The following CALB2 variants were observed in gnomAD, a reference collection of about 807,000 sequenced individuals.
The protein encoded by CALB2 is calretinin.
In CALB2, 34 loss-of-function variants were observed where a neutral mutation model predicts 45.9. The ratio of observed to expected loss-of-function variants is 0.74; its 90% CI spans 0.56 to 0.99. CALB2 has a LOEUF of 0.99. Ranked by LOEUF, CALB2 falls within the 50% of genes least tolerant of loss-of-function variation. The pLI, the probability that CALB2 is intolerant of heterozygous loss-of-function variation, is 0.00. For missense variants in CALB2, 344 were observed against 339.3 expected (o/e 1.01, Z -0.11); for synonymous variants, 142 against 129.6 (o/e 1.10, Z -0.65).
chr16:71,389,763 A>C lies in CALB2; in HGVS notation c.714A>C (p.Gln238His). ...GTATTTCCTAGGAAATGAATATTCA[A>C]CAGCTCACCAACTACAGAAAGAGCG... ...YEKNKKEMNIQQLTNYRKSVM... is the reference protein window; with the variant it reads ...YEKNKKEMNIHQLTNYRKSVM... The change falls in exon 11 of 11, where the codon CAA becomes CAC. Residue 238 changes from glutamine to histidine, a missense_variant. By Grantham distance (24) the Gln-to-His change is conservative. This residue lies in a region of CALB2 where 263 missense variants were observed against 241.7 expected (regional missense o/e 1.09). Transcript: ENST00000302628. The C allele has an allele frequency of 6.2e-7, 1 of 1,613,686 alleles. No homozygotes were observed. Among genetic ancestry groups the C allele is most frequent in the Non-Finnish European group, 8.5e-7 (1 of 1,179,694 alleles).
intron 4 of CALB2, among the ~76,000 whole-genome samples, chr16:71,381,517 C>CT (rs2144991802): frequency 6.6e-6 from 1 of 151,912 alleles, no homozygotes; most frequent in African/African-American, 2.4e-5. Context: ...TAAAATATAA[C>CT]TAAACTCTAA....
intron 3 of CALB2, among the ~76,000 whole-genome samples, chr16:71,376,988 G>T (rs996473288): frequency 6.6e-6 from 1 of 152,158 alleles, no homozygotes; most frequent in African/African-American, 2.4e-5. Context: ...CTACCTGTAA[G>T]CCAATCACTG....
intron 1 of CALB2, among the ~76,000 whole-genome samples, chr16:71,371,303 A>G (rs1199146238): frequency 6.6e-6 from 1 of 152,040 alleles, no homozygotes; most frequent in East Asian, 1.9e-4. Context: ...AGGGGGTGGG[A>G]GGTGACATCC....
chr16:71,383,466 T>C (rs2042524601), intron 6 of CALB2, 22 bp downstream of exon 6: 1 of 1,610,110 alleles, frequency 6.2e-7, no homozygotes, highest in Non-Finnish European at 8.5e-7. Context: ...GAAGTGTCCC[T>C]CTCCCCCAGG....
At chr16:71,381,239 T>C (rs146283003) in intron 4 of CALB2, among the ~76,000 whole-genome samples, 3 of 152,306 alleles carry the variant, frequency 2.0e-5, no homozygotes, top group African/African-American at 7.2e-5. Context: ...TCCTCACATA[T>C]ATTTTAGTGC....
intron 1 of CALB2, among the ~76,000 whole-genome samples, chr16:71,363,124 G>A (rs1262901169): frequency 6.6e-6 from 1 of 152,102 alleles, no homozygotes. Flanking sequence ...GTCCAAGCCT[G>A]CAGTGAGCTA....
In CALB2 at chr16:71,382,189, GA is replaced by G. The variant is rs921302120; in HGVS notation, c.343-521del. 1.5e-4 allele frequency among the ~76,000 whole-genome samples: 14 copies of G among 94,574 alleles called. No individual in the cohort carries two copies. The East Asian group carries it at 1.5e-3, about 10-fold the overall frequency. 62.0% of individuals were successfully genotyped at this position (94,574 alleles called of 152,430 possible). On this transcript the variant is annotated intron_variant, in intron 4 of 10. Transcript: ENST00000302628. ...AGGAAGGAAGGAACGAAAGAAAAAA[GA>G]AAAAAAAATTAGAAATATGTGGCGC...
intron 1 of CALB2, among the ~76,000 whole-genome samples, chr16:71,363,348 G>A (rs1365134896): frequency 6.6e-6 from 1 of 152,182 alleles, no homozygotes; most frequent in Non-Finnish European, 1.5e-5. Context: ...GACGTAGGGG[G>A]TGCTCAAAGC....
intron 1 of CALB2, among the ~76,000 whole-genome samples, chr16:71,365,988 TTTTC>T (rs917931786): frequency 4.7e-5 from 7 of 150,350 alleles, no homozygotes; most frequent in South Asian, 4.2e-4. Context: ...CAGTATTCTT[TTTTC>T]TTTCTTTCTT....
intron 1 of CALB2, among the ~76,000 whole-genome samples, chr16:71,361,117 T>C (rs2042234463): frequency 6.6e-6 from 1 of 152,190 alleles, no homozygotes; most frequent in Non-Finnish European, 1.5e-5. Flanking sequence ...GGCTCCCTCC[T>C]GCTCCGGGGT....
intron 1 of CALB2, among the ~76,000 whole-genome samples, chr16:71,360,873 G>A (rs534122766): frequency 1.3e-5 from 2 of 152,144 alleles, no homozygotes; most frequent in Non-Finnish European, 2.9e-5. Context: ...CCTGGCCAGC[G>A]TTTATTCTCC....
At position 71,389,892 on chromosome 16, in the gene CALB2, C is replaced by T. The variant is rs779402019; in HGVS notation, c.*27C>T. On this transcript the variant is annotated 3_prime_UTR_variant, in exon 11 of 11. Coordinates refer to ENST00000302628, the MANE Select transcript of CALB2 (RefSeq NM_001740.5). ...GTGGGGACGGGGGCTGCTTCTCCACCTCCCCCAAACCCTGCTTCTGCTGCC... is the reference window on the plus strand; with the variant it reads ...GTGGGGACGGGGGCTGCTTCTCCACTTCCCCCAAACCCTGCTTCTGCTGCC... 4 of 1,511,124 alleles carry T rather than the reference C, an allele frequency of 2.6e-6. No homozygotes were observed. The highest frequency in any genetic ancestry group is 3.7e-6 in the Non-Finnish European group (4 of 1,089,254). 93.6% of individuals were successfully genotyped at this position (1,511,124 alleles called of 1,614,324 possible). A position where few individuals can be genotyped will look rare whatever the true frequency, so the allele number is the denominator to read the frequency against.
intron 1 of CALB2, among the ~76,000 whole-genome samples, chr16:71,371,750 G>A (rs1318554621): frequency 6.6e-6 from 1 of 152,064 alleles, no homozygotes; most frequent in Non-Finnish European, 1.5e-5. Flanking sequence ...CCATTCTGGG[G>A]GAGCACTCCA....
chr16:71,360,546 C>G (rs1316949620), intron 1 of CALB2, among the ~76,000 whole-genome samples: 1 of 152,206 alleles, frequency 6.6e-6, no homozygotes, highest in Admixed American at 6.5e-5. Context: ...GCCAGTTTAT[C>G]TGCACCAGAC....
chr16:71,365,495 G>A (rs1317592752), intron 1 of CALB2, among the ~76,000 whole-genome samples: 1 of 152,118 alleles, frequency 6.6e-6, no homozygotes, highest in Non-Finnish European at 1.5e-5. Context: ...CATATGTCTG[G>A]CCTAGACCAA....
chr16:71,385,319 T>C, intron 9 of CALB2: 1 of 445,856 alleles, frequency 2.2e-6, no homozygotes, highest in South Asian at 4.6e-5. Flanking sequence ...AACCAAATGC[T>C]TCTTGAATCT....
chr16:71,389,868 T>C lies in CALB2; in HGVS notation c.*3T>C. 7.5e-6 allele frequency: 12 copies of C among 1,604,720 alleles called. No individual in the cohort carries two copies. The highest frequency in any genetic ancestry group is 1.0e-5 in the Non-Finnish European group (12 of 1,172,322). On this transcript the variant is annotated 3_prime_UTR_variant, in exon 11 of 11. Transcript: ENST00000302628. ...TCTGCAGCGAGCCCCCCATGTAAAG[T>C]GGGGACGGGGGCTGCTTCTCCACCT...
chr16:71,363,789 G>A (rs193158292), intron 1 of CALB2, among the ~76,000 whole-genome samples: 1 of 152,324 alleles, frequency 6.6e-6, no homozygotes, highest in East Asian at 1.9e-4. Context: ...CAGTTACAAT[G>A]CTATAAGGTA....
chr16:71,367,281 A>G (rs552315627), intron 1 of CALB2, among the ~76,000 whole-genome samples: 1 of 152,318 alleles, frequency 6.6e-6, no homozygotes, highest in South Asian at 2.1e-4. Context: ...GATGGTTGCC[A>G]TGGTAACCAC....
Sources: allele counts gnomAD v4.1 joint callset (sites outside exome capture counted in the v4.1 genomes callset), GRCh38; gene constraint gnomAD v4.1.1; regional missense constraint gnomAD v4.1.1; transcripts MANE v1.5; gene names NCBI Gene and HGNC (gene_info 2026-07-23, HGNC 2026-07-21).